The following CHLSN variants were observed in gnomAD, a reference collection of about 807,000 sequenced individuals.
The protein encoded by CHLSN is cholesin, also known as protein cholesin.
the CHLSN span, among the ~76,000 whole-genome samples, chr7:979,705 C>T: frequency 6.6e-6 from 1 of 151,722 alleles, no homozygotes; most frequent in Admixed American, 6.6e-5. Context: ...TGAACTCCAG[C>T]CTGGGCAACA....
At chr7:1,023,104 G>T in the CHLSN span, 1 of 408,348 alleles carries the variant, frequency 2.4e-6, no homozygotes, top group Non-Finnish European at 5.0e-6. The surrounding 1 kb of genome is among the most constrained non-coding windows in gnomAD (Gnocchi z 5.0). Context: ...GTGGCAATGG[G>T]TGGCACCTGC....
At chr7:1,056,942 G>A in the CHLSN span, 3 of 155,196 alleles carry the variant, frequency 1.9e-5, no homozygotes, top group African/African-American at 4.8e-5. Flanking sequence ...CGTCAAGACT[G>A]GCTATGTCCC....
the CHLSN span, among the ~76,000 whole-genome samples, chr7:981,880 A>G: frequency 1.3e-5 from 2 of 152,030 alleles, no homozygotes; most frequent in Admixed American, 6.6e-5. Context: ...ATAAATAAAT[A>G]AAGTTAGCTA....
chr7:997,892 C>T, the CHLSN span: 66 of 1,295,182 alleles, frequency 5.1e-5, no homozygotes, highest in Non-Finnish European at 6.4e-5. Flanking sequence ...GCCAAGGACA[C>T]CCGGGCCTCA....
the CHLSN span, among the ~76,000 whole-genome samples, chr7:1,053,772 A>G: frequency 2.6e-5 from 4 of 152,328 alleles, no homozygotes; most frequent in African/African-American, 9.6e-5. Context: ...GGTTGCAGTG[A>G]GCTGAGATCG....
chr7:1,089,241 AAAGATGAATC>A, the CHLSN span, among the ~76,000 whole-genome samples: 4 of 152,224 alleles, frequency 2.6e-5, no homozygotes, highest in African/African-American at 9.6e-5. Context: ...ATTATCTACT[AAAGATGAATC>A]AAGAGTGCAA....
the CHLSN span, among the ~76,000 whole-genome samples, chr7:1,135,911 AT>A: frequency 1.1e-5 from 1 of 91,282 alleles, no homozygotes; most frequent in Admixed American, 1.2e-4. Flanking sequence ...ATATATAAAA[AT>A]ATATATAAGT....
At chr7:1,032,891 G>T in the CHLSN span, among the ~76,000 whole-genome samples, 2 of 152,248 alleles carry the variant, frequency 1.3e-5, no homozygotes, top group Non-Finnish European at 2.9e-5. Flanking sequence ...CACACTGTCT[G>T]CCTGACCAAT....
the CHLSN span, among the ~76,000 whole-genome samples, chr7:1,002,440 TG>T: frequency 1.6e-4 from 15 of 92,964 alleles, no homozygotes; most frequent in African/African-American, 2.6e-4. Flanking sequence ...TGGGGAGTCC[TG>T]TGGGTGAGTG....
chr7:1,116,469 G>A, the CHLSN span, among the ~76,000 whole-genome samples: 76 of 70,042 alleles, frequency 1.1e-3, no homozygotes, highest in African/African-American at 1.1e-3. Context: ...TGACATCACT[G>A]CAGTTCTAGG....
At chr7:1,091,992 C>T in the CHLSN span, 105 of 1,613,962 alleles carry the variant, frequency 6.5e-5, no homozygotes, top group Non-Finnish European at 7.8e-5. Context: ...TCAGCTTCCG[C>T]GAGAAGATGA....
At chr7:984,691 A>G in the CHLSN span, 23 of 1,404,044 alleles carry the variant, frequency 1.6e-5, 1 homozygote, top group South Asian at 8.0e-5. Context: ...AAGAGCAGGC[A>G]GGAGCTGGGC....
chr7:1,079,717 G>A, the CHLSN span, among the ~76,000 whole-genome samples: 10 of 152,278 alleles, frequency 6.6e-5, no homozygotes, highest in African/African-American at 2.2e-4. Context: ...TCAGGGGCAG[G>A]GGTGACTCCC....
chr7:1,119,317 G>T, the CHLSN span, among the ~76,000 whole-genome samples: 1 of 152,164 alleles, frequency 6.6e-6, no homozygotes. Context: ...AGACACAGGG[G>T]CTCACACCTG....
chr7:1,137,154 TTCTC>T, the CHLSN span, among the ~76,000 whole-genome samples: 1 of 152,104 alleles, frequency 6.6e-6, no homozygotes, highest in African/African-American at 2.4e-5. Context: ...CACCTCCTCT[TTCTC>T]TCTCTGTTCC....
At chr7:1,135,344 T>C in the CHLSN span, among the ~76,000 whole-genome samples, 2 of 152,138 alleles carry the variant, frequency 1.3e-5, no homozygotes, top group Admixed American at 6.6e-5. Flanking sequence ...GTTGTATGTA[T>C]ATACATATAG....
At chr7:984,374 G>A in the CHLSN span, 69 of 1,539,908 alleles carry the variant, frequency 4.5e-5, 1 homozygote, top group Middle Eastern at 1.7e-4. Context: ...GGTCTTGTGG[G>A]TGAGGGCTGC....
the CHLSN span, among the ~76,000 whole-genome samples, chr7:1,127,697 GCACAATCT>G: frequency 3.8e-5 from 2 of 53,086 alleles, no homozygotes; most frequent in East Asian, 1.1e-3. Flanking sequence ...GAGTGCAGTG[GCACAATCT>G]CGGCTGATCC....
the CHLSN span, among the ~76,000 whole-genome samples, chr7:1,041,261 T>TGGGCTCCGCGCC: frequency 7.8e-6 from 1 of 127,950 alleles, no homozygotes; most frequent in Non-Finnish European, 1.9e-5. Flanking sequence ...GGCTCCGCGC[T>TGGGCTCCGCGCC]GCGGGGAAGG....
Sources: gnomAD v4.1 joint callset for allele counts (sites outside exome capture counted in the v4.1 genomes callset) on GRCh38, gnomAD v4.1.1 for gene constraint, Gnocchi (gnomAD v3.1) non-coding constraint, MANE v1.5 for transcripts, NCBI Gene and HGNC (gene_info 2026-07-23, HGNC 2026-07-21) for gene names.